Variants in STK3 observed in about 807,000 individuals in gnomAD.
The protein encoded by STK3 is serine/threonine kinase 3, also known as serine/threonine-protein kinase 3.
STK3 carries 41 observed loss-of-function variants against 58.0 expected under a neutral mutation model. The ratio of observed to expected loss-of-function variants is 0.71; its 90% CI spans 0.55 to 0.92. The LOEUF (loss-of-function observed/expected upper bound fraction) is 0.92, where lower values mean the gene tolerates loss of function less well. Ranked by LOEUF, STK3 falls within the 40% of genes least tolerant of loss-of-function variation. The probability of loss-of-function intolerance (pLI) is 0.00; values close to 1 mark genes in which losing one functional copy is unlikely to be tolerated. For synonymous variants in STK3, 170 were observed against 191.0 expected, an observed-to-expected ratio of 0.89 and a Z score of 0.91; for missense variants, 479 against 602.7, an observed-to-expected ratio of 0.79 and a Z score of 2.15.
intron 1 of STK3, among the ~76,000 whole-genome samples, chr8:98,809,799 T>C (rs1213949713): frequency 6.6e-6 from 1 of 152,220 alleles, no homozygotes; most frequent in South Asian, 2.1e-4. Context: ...GCTATGAATA[T>C]AGGCACACAA....
intron 2 of STK3, among the ~76,000 whole-genome samples, chr8:98,772,604 C>A (rs766237796): frequency 2.0e-5 from 3 of 152,076 alleles, no homozygotes; most frequent in Non-Finnish European, 4.4e-5. Flanking sequence ...GAGGTTGAGG[C>A]AACAGAATCC....
chr8:98,628,919 T>C (rs1818961754), intron 6 of STK3, among the ~76,000 whole-genome samples: 1 of 151,406 alleles, frequency 6.6e-6, no homozygotes, highest in African/African-American at 2.4e-5. Context: ...TTGGAAAACA[T>C]TAAATCATCT....
chr8:98,916,628 A>G (rs955133399), intron 1 of STK3, among the ~76,000 whole-genome samples: 1 of 152,158 alleles, frequency 6.6e-6, no homozygotes, highest in Non-Finnish European at 1.5e-5. Flanking sequence ...CCACATGACC[A>G]TGAGTAGCAG....
intron 6 of STK3, among the ~76,000 whole-genome samples, chr8:98,621,876 T>C (rs1193396175): frequency 1.3e-5 from 2 of 151,976 alleles, no homozygotes; most frequent in Non-Finnish European, 2.9e-5. Context: ...ATGATACAGA[T>C]TGTGGACACA....
At chr8:98,364,702 G>C in the STK3 span, among the ~76,000 whole-genome samples, 29 of 152,284 alleles carry the variant, frequency 1.9e-4, no homozygotes, top group Non-Finnish European at 3.5e-4. Context: ...CCCTCCTAGG[G>C]AGAGAGGAGG....
chr8:98,773,687 C>T (rs1233833066), intron 2 of STK3, among the ~76,000 whole-genome samples: 4 of 152,084 alleles, frequency 2.6e-5, no homozygotes, highest in Non-Finnish European at 5.9e-5. Context: ...TGTTCATTTA[C>T]TCTAACAGTT....
At chr8:98,345,406 A>G in the STK3 span, among the ~76,000 whole-genome samples, 1 of 152,012 alleles carries the variant, frequency 6.6e-6, no homozygotes, top group African/African-American at 2.4e-5. Context: ...TAGGAGTCAC[A>G]CTTTTTACTC....
At chr8:98,476,210 G>T (rs2131252035) in intron 10 of STK3, among the ~76,000 whole-genome samples, 1 of 152,234 alleles carries the variant, frequency 6.6e-6, no homozygotes, top group African/African-American at 2.4e-5. Context: ...CAAAATCAGA[G>T]GCATGCAAGG....
chr8:98,563,692 C>T (rs866848905), intron 8 of STK3, among the ~76,000 whole-genome samples: 8 of 152,038 alleles, frequency 5.3e-5, no homozygotes, highest in Middle Eastern at 3.4e-3. Flanking sequence ...AAAACAAAAC[C>T]GCACAATGAT....
At chr8:98,658,069 A>C (rs1821681055) in intron 6 of STK3, among the ~76,000 whole-genome samples, 1 of 152,096 alleles carries the variant, frequency 6.6e-6, no homozygotes, top group Non-Finnish European at 1.5e-5. Flanking sequence ...TGTATACCTT[A>C]AACATATAAA....
chr8:98,380,267 G>C (rs68184049), intron 1 of STK3, among the ~76,000 whole-genome samples: 1 of 151,876 alleles, frequency 6.6e-6, no homozygotes, highest in Non-Finnish European at 1.5e-5. Context: ...CACTTATTAC[G>C]GGGATAGAAA....
chr8:98,407,757 T>TGCGCGC (rs71273128), intron 3 of STK3, among the ~76,000 whole-genome samples: 1 of 131,434 alleles, frequency 7.6e-6, no homozygotes, highest in African/African-American at 3.0e-5. Flanking sequence ...TGTGTGTGTG[T>TGCGCGC]GCGCGCGCGC....
At chr8:98,799,851 T>A (rs891146495) in intron 1 of STK3, among the ~76,000 whole-genome samples, 8 of 152,228 alleles carry the variant, frequency 5.3e-5, no homozygotes, top group African/African-American at 1.9e-4. Flanking sequence ...CTATCCTTAC[T>A]CTACAATCCC....
At chr8:98,698,584 G>A (rs1248572730) in intron 6 of STK3, among the ~76,000 whole-genome samples, 2 of 152,204 alleles carry the variant, frequency 1.3e-5, no homozygotes, top group East Asian at 3.8e-4. Context: ...CTCAGCATTT[G>A]CTTATCTGCA....
intron 10 of STK3, among the ~76,000 whole-genome samples, chr8:98,517,144 G>C (rs1009268855): frequency 2.0e-5 from 3 of 151,926 alleles, no homozygotes; most frequent in Non-Finnish European, 4.4e-5. Context: ...ACTTTCATCT[G>C]CTATGAGAAA....
intron 6 of STK3, among the ~76,000 whole-genome samples, chr8:98,617,067 G>A (rs1357629551): frequency 1.3e-5 from 2 of 151,040 alleles, no homozygotes; most frequent in African/African-American, 2.4e-5. Flanking sequence ...TGGAAGTAAA[G>A]CTCTCCTCAG....
At chr8:98,345,097 C>T in the STK3 span, among the ~76,000 whole-genome samples, 18 of 151,700 alleles carry the variant, frequency 1.2e-4, no homozygotes, top group Admixed American at 1.2e-3. Flanking sequence ...GCTGAAAATC[C>T]TAGGTGTCTC....
rs1224378444 is a variant in STK3, at chr8:98,691,948, T to A, written c.684+14519A>T. Among the ~76,000 whole-genome samples, 981 of 138,898 alleles carry A rather than the reference T, an allele frequency of 7.1e-3. 4 individuals carry two copies. Among genetic ancestry groups the A allele is most frequent in the African/African-American group, 0.021 (793 of 37,838 alleles). 91.1% of individuals were successfully genotyped at this position (138,898 alleles called of 152,430 possible). Reference sequence around the variant, plus strand: ...CTCCGCCTCAAAAAAAAAAAAAAAATGGGCAAATGAATTGAATAGACAGTT... The same window carrying A: ...CTCCGCCTCAAAAAAAAAAAAAAAAAGGGCAAATGAATTGAATAGACAGTT... On this transcript the variant is annotated intron_variant, in intron 6 of 10. Transcript: ENST00000419617.
chr8:98,448,414 C>T (rs143412671), intron 1 of STK3, among the ~76,000 whole-genome samples: 16 of 152,226 alleles, frequency 1.1e-4, no homozygotes, highest in Middle Eastern at 3.4e-3. Context: ...AGTGCTATTA[C>T]GTCTTTTCAT....
Sources: allele counts gnomAD v4.1 joint callset (sites outside exome capture counted in the v4.1 genomes callset), GRCh38; gene constraint gnomAD v4.1.1; transcripts MANE v1.5; gene names NCBI Gene and HGNC (gene_info 2026-07-23, HGNC 2026-07-21).